Variants in TNR observed in about 807,000 individuals in gnomAD.
TNR encodes tenascin R.
TNR carries 45 observed loss-of-function variants against 150.4 expected under a neutral mutation model. The observed-to-expected ratio is 0.30, with a 90% CI of 0.24 to 0.38. The LOEUF is 0.38. Among genes scored for constraint, TNR ranks in the 10% least tolerant of loss-of-function variants. TNR has a pLI of 1.00. For synonymous variants in TNR, 687 were observed against 678.4 expected, an observed-to-expected ratio of 1.01 and a Z score of -0.20; for missense variants, 1,544 against 1,759.1, an observed-to-expected ratio of 0.88 and a Z score of 2.19.
chr1:175,579,165 TTTCCTTCCTTCC>T lies in TNR; in HGVS notation c.-164-50808_-164-50797del, dbSNP rs60083467. On this transcript the variant is annotated intron_variant, in intron 1 of 22. Coordinates refer to ENST00000367674, the MANE Select transcript of TNR (RefSeq NM_003285.3). Reference sequence around the variant, plus strand: ...CTCCTATCCTTCCCTTCGTTCCTTCTTTCCTTCCTTCCTTCCTTCCTTCCTTCCTTCCTTCCT... The same window carrying T: ...CTCCTATCCTTCCCTTCGTTCCTTCTTTCCTTCCTTCCTTCCTTCCTTCCT... Among the ~76,000 whole-genome samples, 143 of 134,472 alleles carry T rather than the reference TTTCCTTCCTTCC, an allele frequency of 1.1e-3. 1 individual carries two copies. The highest frequency in any genetic ancestry group is 4.9e-3 in the South Asian group (18 of 3,670). 88.2% of individuals were successfully genotyped at this position (134,472 alleles called of 152,430 possible). A position where few individuals can be genotyped will look rare whatever the true frequency, so the allele number is the denominator to read the frequency against.
chr1:175,368,685 C>G (rs185346215), intron 9 of TNR, among the ~76,000 whole-genome samples: 133 of 152,334 alleles, frequency 8.7e-4, no homozygotes, highest in Admixed American at 7.7e-3. Flanking sequence ...CACGGTGGCT[C>G]ATGCCTGTAA....
At chr1:175,608,808 C>G (rs1309815348) in intron 1 of TNR, among the ~76,000 whole-genome samples, 2 of 152,148 alleles carry the variant, frequency 1.3e-5, no homozygotes, top group Non-Finnish European at 2.9e-5. Flanking sequence ...AGTAAAACAG[C>G]AAGACACCAA....
At chr1:175,368,022 G>GT (rs1389800602) in intron 9 of TNR, among the ~76,000 whole-genome samples, 2 of 152,164 alleles carry the variant, frequency 1.3e-5, no homozygotes, top group African/African-American at 4.8e-5. Context: ...CCTTTGGGAG[G>GT]TTTACTACAA....
intron 1 of TNR, among the ~76,000 whole-genome samples, chr1:175,685,855 T>TG (rs1666179988): frequency 7.0e-6 from 1 of 143,150 alleles, no homozygotes; most frequent in Non-Finnish European, 1.5e-5. Flanking sequence ...CATTAGCTGT[T>TG]TTTTTTTTTT....
chr1:175,544,349 G>A (rs1660608761), intron 1 of TNR, among the ~76,000 whole-genome samples: 1 of 152,204 alleles, frequency 6.6e-6, no homozygotes, highest in African/African-American at 2.4e-5. Flanking sequence ...AGGGAAGAGA[G>A]TAGAGACTTC....
At chr1:175,513,832 A>G (rs962115340) in intron 2 of TNR, among the ~76,000 whole-genome samples, 2 of 152,210 alleles carry the variant, frequency 1.3e-5, no homozygotes, top group African/African-American at 4.8e-5. Context: ...GGGCTTCTCA[A>G]ACTCACTGCA....
intron 1 of TNR, among the ~76,000 whole-genome samples, chr1:175,731,003 CTA>C (rs1667623473): frequency 6.6e-6 from 1 of 152,100 alleles, no homozygotes; most frequent in African/African-American, 2.4e-5. Context: ...AGCTTGGCCT[CTA>C]TAGCATTCAG....
In TNR at chr1:175,743,393, T is replaced by C. The variant is rs1266639271; in HGVS notation, c.-332A>G. 6.6e-6 allele frequency: 1 copy of C among 152,028 alleles called. No individual in the cohort carries two copies. The highest frequency in any genetic ancestry group is 1.5e-5 in the Non-Finnish European group (1 of 68,038). The allele number at this position is 152,028 out of a possible 1,614,324, so 9.4% of individuals were successfully genotyped here. On this transcript the variant is annotated 5_prime_UTR_variant, in exon 1 of 23. Transcript: ENST00000367674. ...AAGAGACAAGGCTCCACGAAAGAAA[T>C]GAAACCCAAGCTGTCAGGGCTACGG...
chr1:175,642,241 T>C (rs964780823), intron 1 of TNR, among the ~76,000 whole-genome samples: 3 of 152,126 alleles, frequency 2.0e-5, no homozygotes, highest in African/African-American at 7.2e-5. Context: ...GTATAGGCAT[T>C]GTGTGCACAC....
intron 2 of TNR, among the ~76,000 whole-genome samples, chr1:175,487,426 T>C (rs1335318026): frequency 1.3e-5 from 2 of 152,166 alleles, no homozygotes; most frequent in African/African-American, 4.8e-5. Flanking sequence ...GCATACTCAT[T>C]TGATGATCTT....
At chr1:175,399,332 C>T (rs763211287) in intron 4 of TNR, among the ~76,000 whole-genome samples, 4 of 152,136 alleles carry the variant, frequency 2.6e-5, no homozygotes, top group Non-Finnish European at 5.9e-5. Context: ...CTTTTTGCTT[C>T]CTTCTTCAAA....
intron 1 of TNR, among the ~76,000 whole-genome samples, chr1:175,720,543 T>C (rs10913065): frequency 0.26 from 40,018 of 152,118 alleles, 5,251 homozygotes; most frequent in Middle Eastern, 0.32. Flanking sequence ...CAGAGCTTAA[T>C]AAGGAGTTTA....
chr1:175,386,328 A>G, intron 7 of TNR, 27 bp from the exon 8 acceptor site: 3 of 1,511,526 alleles, frequency 2.0e-6, no homozygotes, highest in Non-Finnish European at 2.7e-6. Flanking sequence ...AAACAGAACA[A>G]AAAGTTTGAA....
At chr1:175,456,794 T>G (rs1262695199) in intron 2 of TNR, among the ~76,000 whole-genome samples, 1 of 152,216 alleles carries the variant, frequency 6.6e-6, no homozygotes, top group African/African-American at 2.4e-5. Flanking sequence ...ATTCTATGAT[T>G]CTAAGTGACA....
At chr1:175,486,317 T>G (rs1658013643) in intron 2 of TNR, among the ~76,000 whole-genome samples, 1 of 150,716 alleles carries the variant, frequency 6.6e-6, no homozygotes, top group Non-Finnish European at 1.5e-5. Context: ...GATGTTTCCC[T>G]CCCTGTGTCC....
At chr1:175,558,275 T>A (rs4592227) in intron 1 of TNR, among the ~76,000 whole-genome samples, 72,461 of 144,202 alleles carry the variant, frequency 0.5, 17,806 homozygotes, top group East Asian at 0.68. Flanking sequence ...AGTATAATAA[T>A]AAAAAAAAAA....
intron 1 of TNR, among the ~76,000 whole-genome samples, chr1:175,559,311 CATT>C (rs1402479837): frequency 6.6e-6 from 1 of 152,094 alleles, no homozygotes. Flanking sequence ...ATGTGAATTT[CATT>C]ATAATATGTT....
At chr1:175,451,713 G>A (rs531455968) in intron 2 of TNR, among the ~76,000 whole-genome samples, 5 of 152,220 alleles carry the variant, frequency 3.3e-5, no homozygotes, top group Non-Finnish European at 7.3e-5. Flanking sequence ...AGCAGGTAGA[G>A]CTATCTGCTC....
At chr1:175,413,287 A>G (rs1405676537) in intron 2 of TNR, among the ~76,000 whole-genome samples, 1 of 152,108 alleles carries the variant, frequency 6.6e-6, no homozygotes, top group East Asian at 1.9e-4. Flanking sequence ...CGGCCTCCCA[A>G]AGTGTTGGGA....
Sources: allele counts gnomAD v4.1 joint callset (sites outside exome capture counted in the v4.1 genomes callset), GRCh38; gene constraint gnomAD v4.1.1; transcripts MANE v1.5; gene names NCBI Gene and HGNC (gene_info 2026-07-23, HGNC 2026-07-21).